The following ELF2 variants were observed in gnomAD, a reference collection of about 807,000 sequenced individuals.
The protein encoded by ELF2 is ETS-related transcription factor Elf-2.
A neutral mutation model predicts 54.8 loss-of-function variants in ELF2; 11 were observed. That is an observed-to-expected ratio of 0.20 (90% CI 0.13 to 0.33). ELF2 has a LOEUF of 0.33. ELF2 is among the 10% of genes least tolerant of loss of function. The pLI, the probability that ELF2 is intolerant of heterozygous loss-of-function variation, is 1.00. For missense variants in ELF2, 513 were observed against 703.0 expected, an observed-to-expected ratio of 0.73 and a Z score of 3.06; for synonymous variants, 203 against 245.1, an observed-to-expected ratio of 0.83 and a Z score of 1.61.
chr4:139,131,337 C>A (rs1437515255), intron 3 of ELF2, among the ~76,000 whole-genome samples: 2 of 152,100 alleles, frequency 1.3e-5, no homozygotes, highest in Non-Finnish European at 1.5e-5. Context: ...CAAAAACTTC[C>A]ATTTAAGGAG....
At chr4:139,151,366 T>C (rs1293270495) in intron 1 of ELF2, among the ~76,000 whole-genome samples, 2 of 152,170 alleles carry the variant, frequency 1.3e-5, no homozygotes, top group Non-Finnish European at 2.9e-5. Context: ...GTTTGGTTTA[T>C]AACAACATAA....
intron 4 of ELF2, among the ~76,000 whole-genome samples, chr4:139,108,720 A>C (rs1223202862): frequency 6.6e-6 from 1 of 152,170 alleles, no homozygotes; most frequent in East Asian, 1.9e-4. Context: ...GCAACAAAAC[A>C]TACCCTGCTC....
At chr4:139,115,184 C>A (rs1242424371) in intron 4 of ELF2, 2 of 1,612,070 alleles carry the variant, frequency 1.2e-6, no homozygotes, top group African/African-American at 1.3e-5. Context: ...TTCCGTAGCT[C>A]CTTGCGGTCA....
chr4:139,175,013 T>C (rs1249072076), intron 1 of ELF2, among the ~76,000 whole-genome samples: 4 of 152,188 alleles, frequency 2.6e-5, no homozygotes, highest in East Asian at 1.9e-4. Context: ...CGATGGACAA[T>C]TGTAGTAAAA....
chr4:139,101,065 T>C (rs1055143467), intron 4 of ELF2, among the ~76,000 whole-genome samples: 2 of 152,222 alleles, frequency 1.3e-5, no homozygotes, highest in African/African-American at 4.8e-5. Context: ...AAATGACTTC[T>C]CAACTAGAAA....
At chr4:139,112,702 A>AT (rs893709230) in intron 4 of ELF2, among the ~76,000 whole-genome samples, 1 of 151,728 alleles carries the variant, frequency 6.6e-6, no homozygotes, top group African/African-American at 2.4e-5. Context: ...TATAGCAAAA[A>AT]TTTTTTTTTA....
intron 1 of ELF2, among the ~76,000 whole-genome samples, chr4:139,162,571 A>G (rs1741286947): frequency 6.6e-6 from 1 of 152,214 alleles, no homozygotes; most frequent in African/African-American, 2.4e-5. Context: ...TACAAATGGA[A>G]TAAATGTTTA....
intron 3 of ELF2, among the ~76,000 whole-genome samples, chr4:139,133,033 T>C (rs1244390266): frequency 1.3e-5 from 2 of 151,816 alleles, no homozygotes; most frequent in East Asian, 1.9e-4. Context: ...ACTCCACTCC[T>C]GCCTCACCCT....
chr4:139,063,988 C>T lies in ELF2; in HGVS notation c.614-1931G>A, dbSNP rs182436906. On this transcript the variant is annotated intron_variant, in intron 7 of 9. Coordinates refer to ENST00000686138, the MANE Select transcript of ELF2 (RefSeq NM_001331036.3). ...TGTTTTTATTTTATTCCCTTCATAA[C>T]CTCTAGGTGCCAAGGTTCTTATTAA... Among the ~76,000 whole-genome samples, 4 of 152,216 alleles carry T rather than the reference C, an allele frequency of 2.6e-5. No individual in the cohort carries two copies. In the East Asian group the frequency reaches 7.7e-4, roughly 29 times the overall value.
In ELF2 at chr4:139,132,841, CATATATATAT is replaced by C. The variant is rs58765596; in HGVS notation, c.72+4779_72+4788del. 1.7e-3 allele frequency among the ~76,000 whole-genome samples: 192 copies of C among 115,032 alleles called. 2 individuals are homozygous for C. The highest frequency in any genetic ancestry group is 5.4e-3 in the African/African-American group (172 of 31,614). 75.5% of individuals were successfully genotyped at this position (115,032 alleles called of 152,430 possible). On this transcript the variant is annotated intron_variant, in intron 3 of 9. Transcript: ENST00000686138. ...TTTCCAAAGTGGTTATATTACTTTA[CATATATATAT>C]ATATATATATATATATATATATAAA...
intron 6 of ELF2, 59 bp downstream of exon 6, chr4:139,071,807 G>A (rs1729549209): frequency 1.3e-6 from 2 of 1,497,706 alleles, no homozygotes; most frequent in African/African-American, 1.4e-5. Flanking sequence ...CCTTGATGAG[G>A]AAAAAGATAA....
chr4:139,082,569 G>T (rs1731265739), intron 4 of ELF2, among the ~76,000 whole-genome samples: 1 of 152,150 alleles, frequency 6.6e-6, no homozygotes, highest in Non-Finnish European at 1.5e-5. Context: ...TATTATTTCA[G>T]ACTTTGAACC....
intron 4 of ELF2, among the ~76,000 whole-genome samples, chr4:139,119,658 T>C (rs1736113552): frequency 6.6e-6 from 1 of 152,264 alleles, no homozygotes; most frequent in Non-Finnish European, 1.5e-5. Flanking sequence ...GGGTACCTTA[T>C]ATTTGCCTAC....
intron 4 of ELF2, among the ~76,000 whole-genome samples, chr4:139,090,000 A>T (rs1367477223): frequency 6.6e-6 from 1 of 152,184 alleles, no homozygotes; most frequent in Non-Finnish European, 1.5e-5. Context: ...CATGACCATA[A>T]TTCACTGCAG....
intron 3 of ELF2, among the ~76,000 whole-genome samples, chr4:139,131,054 T>C (rs1737441044): frequency 6.6e-6 from 1 of 152,132 alleles, no homozygotes; most frequent in Admixed American, 6.6e-5. Flanking sequence ...ATGTACAAGG[T>C]TATTTTACTT....
intron 3 of ELF2, among the ~76,000 whole-genome samples, chr4:139,130,415 G>C (rs1301288684): frequency 6.6e-6 from 1 of 152,050 alleles, no homozygotes; most frequent in African/African-American, 2.4e-5. Flanking sequence ...AAATTGATTA[G>C]TGGCATTGCT....
chr4:139,059,845 TCTA>T (rs1015029456), intron 9 of ELF2, among the ~76,000 whole-genome samples: 1 of 151,466 alleles, frequency 6.6e-6, no homozygotes, highest in Non-Finnish European at 1.5e-5. Context: ...ATTTAAGACA[TCTA>T]CTTTTTTTTT....
In ELF2 at chr4:139,125,236, A is replaced by C. The variant is rs187001057; in HGVS notation, c.166T>G (p.Tyr56Asp). ...TGCATCATATAAGTCTCATCATCAT[A>C]AACCAGAACCTGGGCTGCATAGCCC... ...EQGYAAQVLV[Y>D]DDETYMMQDV... The change falls in exon 4 of 10, where the codon TAT (tyrosine) becomes GAT (aspartate). Residue 56 changes from tyrosine to aspartate, a missense_variant. Tyr to Asp is a radical substitution (Grantham distance 160). This residue lies in a region of ELF2 where 203 missense variants were observed against 245.9 expected (regional missense o/e 0.83). Coordinates refer to ENST00000686138, the MANE Select transcript of ELF2 (RefSeq NM_001331036.3). 5.2e-5 allele frequency: 84 copies of C among 1,614,024 alleles called. No homozygotes were observed. The East Asian group carries it at 1.8e-3, about 34-fold the overall frequency.
intron 4 of ELF2, among the ~76,000 whole-genome samples, chr4:139,117,644 T>C (rs1229158860): frequency 6.6e-6 from 1 of 151,816 alleles, no homozygotes; most frequent in African/African-American, 2.4e-5. Flanking sequence ...GCAGTGCCAC[T>C]GCACTCTAGC....
Sources: allele counts gnomAD v4.1 joint callset (sites outside exome capture counted in the v4.1 genomes callset), GRCh38; gene constraint gnomAD v4.1.1; regional missense constraint gnomAD v4.1.1; transcripts MANE v1.5; gene names NCBI Gene and HGNC (gene_info 2026-07-23, HGNC 2026-07-21).